DOCK9: variants seen among roughly 807,000 people sequenced by gnomAD.
The protein encoded by DOCK9 is dedicator of cytokinesis 9, also known as dedicator of cytokinesis protein 9.
A neutral mutation model predicts 263.3 loss-of-function variants in DOCK9; 89 were observed. The ratio of observed to expected loss-of-function variants is 0.34; its 90% confidence interval spans 0.28 to 0.40. The LOEUF (loss-of-function observed/expected upper bound fraction) is 0.40. Among genes scored for constraint, DOCK9 ranks in the 10% least tolerant of loss-of-function variants. The pLI is 1.00. For synonymous variants in DOCK9, 976 were observed against 973.1 expected (o/e 1.00, Z -0.06); for missense variants, 2,140 against 2,603.4 (o/e 0.82, Z 3.87).
At chr13:98,968,059 A>G (rs1312508074) in intron 1 of DOCK9, among the ~76,000 whole-genome samples, 1 of 152,186 alleles carries the variant, frequency 6.6e-6, no homozygotes, top group African/African-American at 2.4e-5. Context: ...AAGAATGTGT[A>G]AGTATAAACC....
At position 98,867,474 on chromosome 13, in the gene DOCK9, C is replaced by T. The variant is rs764879737; in HGVS notation, c.3237G>A (p.Pro1079=). 14 of 1,612,626 alleles carry T rather than the reference C, an allele frequency of 8.7e-6. No homozygotes were observed. Among genetic ancestry groups the T allele is most frequent in the Admixed American group, 6.7e-5 (4 of 59,748 alleles). ...RVVCNHEHYI[P]LNLPMPFGKG... ...TTCCAAATGGCATTGGTAAGTTCAA[C>T]GGAATATAATGTTCATGGTTGCACA... Residue 1079 remains proline (P), a synonymous_variant, in exon 30 of 53, where the codon CCG becomes CCA. Coordinates refer to ENST00000682017, the MANE Select transcript of DOCK9 (RefSeq NM_001366683.2).
chr13:98,975,000 C>T (rs1471676620), intron 1 of DOCK9, among the ~76,000 whole-genome samples: 11 of 152,136 alleles, frequency 7.2e-5, no homozygotes, highest in Non-Finnish European at 1.5e-4. Context: ...TTATGGTAGC[C>T]TCATTACTAA....
At chr13:98,921,300 T>C (rs1365485880) in intron 6 of DOCK9, among the ~76,000 whole-genome samples, 1 of 152,194 alleles carries the variant, frequency 6.6e-6, no homozygotes, top group East Asian at 1.9e-4. Context: ...CTAATATCCA[T>C]GGGTCATTTT....
In DOCK9 at chr13:98,894,332, TG is replaced by T. The variant is rs1185505805; in HGVS notation, c.1709+3155del. Among the ~76,000 whole-genome samples, 4 of 152,302 alleles carry T rather than the reference TG, an allele frequency of 2.6e-5. No individual in the cohort carries two copies. In the East Asian group the frequency reaches 7.7e-4, roughly 29 times the overall value. ...TGACAGAATGTTATAAAGTGGAAGGTGAAATATCACCCATCAACCCATCCCT... is the reference window on the plus strand; with the variant it reads ...TGACAGAATGTTATAAAGTGGAAGGTAAATATCACCCATCAACCCATCCCT... On this transcript the variant is annotated intron_variant, in intron 15 of 52. Coordinates refer to ENST00000682017, the MANE Select transcript of DOCK9 (RefSeq NM_001366683.2).
chr13:98,910,384 G>C (rs761276733), intron 9 of DOCK9, among the ~76,000 whole-genome samples: 1 of 152,172 alleles, frequency 6.6e-6, no homozygotes, highest in African/African-American at 2.4e-5. Flanking sequence ...AAAAGAACCA[G>C]TTTTAGGGTA....
chr13:99,009,455 G>C (rs1884079494), intron 1 of DOCK9, among the ~76,000 whole-genome samples: 1 of 152,126 alleles, frequency 6.6e-6, no homozygotes, highest in Non-Finnish European at 1.5e-5. Flanking sequence ...GGCACTAGAA[G>C]GCAGCCAAGC....
At chr13:99,071,643 G>A (rs1351109406) in intron 1 of DOCK9, among the ~76,000 whole-genome samples, 2 of 152,012 alleles carry the variant, frequency 1.3e-5, no homozygotes, top group African/African-American at 4.8e-5. Context: ...GAGGGTGTGG[G>A]ACAGGAGGCA....
intron 50 of DOCK9, 59 bp downstream of exon 50, chr13:98,800,229 A>C: frequency 6.7e-7 from 1 of 1,500,604 alleles, no homozygotes; most frequent in Non-Finnish European, 8.9e-7. Context: ...AACGACTCTC[A>C]AGTCACCCAG....
chr13:98,999,106 G>A (rs920291919), intron 1 of DOCK9, among the ~76,000 whole-genome samples: 1 of 152,188 alleles, frequency 6.6e-6, no homozygotes, highest in African/African-American at 2.4e-5. Flanking sequence ...GAGAGTCACT[G>A]GCAATGGAGG....
At chr13:98,995,999 A>T (rs1880945307) in intron 1 of DOCK9, among the ~76,000 whole-genome samples, 1 of 152,284 alleles carries the variant, frequency 6.6e-6, no homozygotes, top group Admixed American at 6.5e-5. Context: ...CACGGTGCAG[A>T]TCATATTGGG....
At chr13:98,942,121 CTT>C (rs1372791775) in intron 2 of DOCK9, among the ~76,000 whole-genome samples, 1 of 152,088 alleles carries the variant, frequency 6.6e-6, no homozygotes, top group Non-Finnish European at 1.5e-5. Flanking sequence ...CCTACCAACT[CTT>C]TCATGTGCAT....
At chr13:98,981,335 A>C (rs375235836), upstream of DOCK9, among the ~76,000 whole-genome samples, 1 of 152,156 alleles carries the variant, frequency 6.6e-6, no homozygotes, top group Non-Finnish European at 1.5e-5. Context: ...GGGATTATAG[A>C]TGTGAGCTAC....
intron 43 of DOCK9, among the ~76,000 whole-genome samples, 158 bp from the exon 44 acceptor site, chr13:98,827,045 G>A (rs1418187794): frequency 1.3e-5 from 2 of 152,320 alleles, no homozygotes; most frequent in Middle Eastern, 3.4e-3. Flanking sequence ...TTTGAAGAGA[G>A]TGGAATCACT....
rs1258204776 is a variant in DOCK9 at position 98,860,149 on chromosome 13, T to C, written c.3697+256A>G. Reference sequence around the variant, plus strand: ...ATTTAAAATGAAAACTCAACAAACGTTGAACAAAAAGCAAACAGCGTGAGC... The same window carrying C: ...ATTTAAAATGAAAACTCAACAAACGCTGAACAAAAAGCAAACAGCGTGAGC... On this transcript the variant is annotated intron_variant, in intron 33 of 52. Coordinates refer to ENST00000682017, the MANE Select transcript of DOCK9 (RefSeq NM_001366683.2). The C allele has an allele frequency of 1.2e-5, 16 of 1,320,266 alleles. No individual in the cohort carries two copies. The East Asian group carries it at 4.0e-4, about 33-fold the overall frequency. The allele number at this position is 1,320,266 out of a possible 1,614,324, so 81.8% of individuals were successfully genotyped here. A position where few individuals can be genotyped will look rare whatever the true frequency, so the allele number is the denominator to read the frequency against.
At chr13:98,810,115 A>T in intron 46 of DOCK9, 54 bp downstream of exon 46, 1 of 1,609,642 alleles carries the variant, frequency 6.2e-7, no homozygotes, top group Non-Finnish European at 8.5e-7. Flanking sequence ...GTCTGGGTAT[A>T]TGTCACAGCG....
chr13:98,927,632 T>TATTTA (rs113119220), intron 3 of DOCK9, among the ~76,000 whole-genome samples: 7 of 151,728 alleles, frequency 4.6e-5, no homozygotes, highest in South Asian at 2.1e-4. Context: ...TTTATTTATT[T>TATTTA]TTTTTTAAGA....
intron 9 of DOCK9, among the ~76,000 whole-genome samples, chr13:98,910,074 C>T (rs1011985408): frequency 2.0e-5 from 3 of 152,160 alleles, no homozygotes; most frequent in South Asian, 4.1e-4. Context: ...TAAAAGCTCA[C>T]AAACAGAAAA....
At chr13:98,950,112 C>T in intron 2 of DOCK9, 1 of 520,272 alleles carries the variant, frequency 1.9e-6, no homozygotes, top group Admixed American at 2.9e-5. Flanking sequence ...TGAAAATTTT[C>T]TTCAGGCAAA....
chr13:98,922,811 C>T (rs1425192959), intron 5 of DOCK9, among the ~76,000 whole-genome samples: 3 of 152,174 alleles, frequency 2.0e-5, no homozygotes, highest in Non-Finnish European at 4.4e-5. Context: ...GTTTCCCTCA[C>T]TCAGTGGGCA....
Sources: allele counts gnomAD v4.1 joint callset (sites outside exome capture counted in the v4.1 genomes callset), GRCh38; gene constraint gnomAD v4.1.1; transcripts MANE v1.5; gene names NCBI Gene and HGNC (gene_info 2026-07-23, HGNC 2026-07-21).